Variants in KCNIP4 observed in about 807,000 individuals in gnomAD.
KCNIP4 encodes the protein Kv channel-interacting protein 4.
KCNIP4 carries 12 observed loss-of-function variants against 34.0 expected under a neutral mutation model. The observed-to-expected ratio is 0.35, with a 90% confidence interval of 0.23 to 0.57. The LOEUF (loss-of-function observed/expected upper bound fraction) is 0.57. Among genes scored for constraint, KCNIP4 ranks in the 20% least tolerant of loss-of-function variants. KCNIP4 has a pLI of 0.83. For missense variants in KCNIP4, 238 were observed against 311.7 expected, an observed-to-expected ratio of 0.76 and a Z score of 1.78; for synonymous variants, 124 against 102.2, an observed-to-expected ratio of 1.21 and a Z score of -1.29.
intron 1 of KCNIP4, among the ~76,000 whole-genome samples, chr4:20,930,834 A>G (rs1470851164): frequency 9.3e-6 from 1 of 107,410 alleles, no homozygotes; most frequent in Non-Finnish European, 2.3e-5. Context: ...TAGGATGGCT[A>G]TTATAAAAAA....
chr4:20,943,933 G>C (rs954756667), intron 1 of KCNIP4, among the ~76,000 whole-genome samples: 7 of 152,196 alleles, frequency 4.6e-5, no homozygotes, highest in African/African-American at 1.7e-4. Context: ...GAATGTCAGA[G>C]AGAAGAATGG....
chr4:21,694,630 T>A (rs1447270695), intron 1 of KCNIP4, among the ~76,000 whole-genome samples: 2 of 152,050 alleles, frequency 1.3e-5, no homozygotes, highest in Non-Finnish European at 2.9e-5. Flanking sequence ...TCAAATTAAA[T>A]TTTTAATTTG....
chr4:21,090,679 A>G (rs1746919973), intron 1 of KCNIP4, among the ~76,000 whole-genome samples: 2 of 152,306 alleles, frequency 1.3e-5, no homozygotes, highest in East Asian at 1.9e-4. Context: ...TGTTTTTCCA[A>G]TAAAAAGCTT....
intron 1 of KCNIP4, chr4:21,697,621 AG>A: frequency 7.4e-7 from 1 of 1,343,512 alleles, no homozygotes; most frequent in Non-Finnish European, 9.4e-7. Context: ...ATGCTAGAGA[AG>A]CCAGATACAG....
chr4:21,722,766 A>G (rs1714911330), intron 1 of KCNIP4, among the ~76,000 whole-genome samples: 1 of 152,116 alleles, frequency 6.6e-6, no homozygotes, highest in Non-Finnish European at 1.5e-5. Flanking sequence ...GCTAAAATGT[A>G]TTATTGCTGC....
At chr4:21,379,216 T>A (rs17521786) in intron 1 of KCNIP4, among the ~76,000 whole-genome samples, 31,202 of 152,210 alleles carry the variant, frequency 0.2, 3,659 homozygotes, top group Middle Eastern at 0.31. Context: ...TCTCCTTGTA[T>A]GAATCTTTCA....
intron 3 of KCNIP4, among the ~76,000 whole-genome samples, chr4:20,829,301 G>A (rs545896778): frequency 8.6e-5 from 13 of 152,034 alleles, no homozygotes; most frequent in African/African-American, 2.9e-4. Context: ...TCTGCCACCC[G>A]GGTTCATGCC....
intron 1 of KCNIP4, among the ~76,000 whole-genome samples, chr4:21,286,901 A>C (rs531299135): frequency 9.6e-4 from 146 of 152,262 alleles, no homozygotes; most frequent in Non-Finnish European, 1.5e-3. Flanking sequence ...GGCTTAATAC[A>C]TCAACTCGGA....
At chr4:21,909,284 T>A (rs2108979378) in intron 1 of KCNIP4, among the ~76,000 whole-genome samples, 1 of 152,220 alleles carries the variant, frequency 6.6e-6, no homozygotes, top group African/African-American at 2.4e-5. Context: ...CCCTCACTCA[T>A]CATCCTCCAG....
chr4:21,738,405 G>A (rs1473593123), intron 1 of KCNIP4, among the ~76,000 whole-genome samples: 1 of 152,134 alleles, frequency 6.6e-6, no homozygotes, highest in East Asian at 1.9e-4. Context: ...CATGTTCGAA[G>A]TAAATGGGAA....
intron 1 of KCNIP4, among the ~76,000 whole-genome samples, chr4:21,014,634 C>T (rs985358057): frequency 4.6e-5 from 7 of 152,080 alleles, no homozygotes; most frequent in East Asian, 1.9e-4. Flanking sequence ...GGCAAGGATG[C>T]GTGGATATGG....
chr4:20,905,339 T>G (rs1332443053), intron 1 of KCNIP4, among the ~76,000 whole-genome samples: 3 of 152,052 alleles, frequency 2.0e-5, no homozygotes, highest in Non-Finnish European at 4.4e-5. Flanking sequence ...TGAATTAGGG[T>G]TTCACCCTAA....
intron 1 of KCNIP4, among the ~76,000 whole-genome samples, chr4:21,765,610 G>C (rs1330570072): frequency 2.6e-5 from 4 of 151,634 alleles, no homozygotes; most frequent in Non-Finnish European, 5.9e-5. Flanking sequence ...ACAGGGCTCC[G>C]TCTTCTTTTT....
chr4:21,300,736 AG>A (rs1333159634), intron 1 of KCNIP4, among the ~76,000 whole-genome samples: 3 of 152,162 alleles, frequency 2.0e-5, no homozygotes, highest in Non-Finnish European at 2.9e-5. Context: ...ATGGAAGAGA[AG>A]GAAAGATTAG....
At chr4:21,387,966 A>T (rs956560579) in intron 1 of KCNIP4, among the ~76,000 whole-genome samples, 4 of 152,068 alleles carry the variant, frequency 2.6e-5, no homozygotes, top group Admixed American at 2.6e-4. Flanking sequence ...CAGCTCAGAG[A>T]GGGGAATGAG....
intron 1 of KCNIP4, among the ~76,000 whole-genome samples, chr4:21,390,001 C>T (rs202092878): frequency 7.4e-6 from 1 of 134,852 alleles, no homozygotes. Context: ...CTTCTAACTA[C>T]TGTGAGATGG....
chr4:20,855,942 A>T (rs548401642), intron 2 of KCNIP4, among the ~76,000 whole-genome samples: 1 of 152,312 alleles, frequency 6.6e-6, no homozygotes, highest in East Asian at 1.9e-4. Context: ...GTGCTCCTAA[A>T]GTATGTGGGA....
chr4:20,750,547 T>C (rs1172978443), intron 4 of KCNIP4, among the ~76,000 whole-genome samples: 1 of 152,202 alleles, frequency 6.6e-6, no homozygotes, highest in Non-Finnish European at 1.5e-5. Context: ...TTTGCTTCTA[T>C]TGGGTATTCT....
At position 21,820,005 on chromosome 4, in the gene KCNIP4, A is replaced by C. The variant is rs148177042; in HGVS notation, c.61+128566T>G. Reference sequence around the variant, plus strand: ...GATATTTAATTTGATATAGCTATCTAAATGTCCTCTGAGTACTTTTTAAAA... The same window carrying C: ...GATATTTAATTTGATATAGCTATCTCAATGTCCTCTGAGTACTTTTTAAAA... On this transcript the variant is annotated intron_variant, in intron 1 of 8. Coordinates refer to ENST00000382152, the MANE Select transcript of KCNIP4 (RefSeq NM_025221.6). Among the ~76,000 whole-genome samples the C allele has an allele frequency of 2.6e-3, 399 of 152,176 alleles. 2 individuals carry two copies. The highest frequency in any genetic ancestry group is 9.0e-3 in the African/African-American group (373 of 41,532).
Sources: gnomAD v4.1 joint callset for allele counts (sites outside exome capture counted in the v4.1 genomes callset) on GRCh38, gnomAD v4.1.1 for gene constraint, MANE v1.5 for transcripts, NCBI Gene and HGNC (gene_info 2026-07-23, HGNC 2026-07-21) for gene names.